The following RBMS2 variants were observed in gnomAD, a reference collection of about 807,000 sequenced individuals.
RBMS2 encodes RNA-binding motif, single-stranded-interacting protein 2.
Under a neutral mutation model 58.4 loss-of-function variants are expected in RBMS2, and 38 were observed. That is an observed-to-expected ratio of 0.65 (90% confidence interval 0.50 to 0.85). The LOEUF is 0.85. RBMS2 is among the 40% of genes least tolerant of loss of function. RBMS2 has a pLI of 0.00. For synonymous variants in RBMS2, 151 were observed against 180.7 expected (o/e 0.84, Z 1.32); for missense variants, 367 against 503.7 (o/e 0.73, Z 2.60).
intron 1 of RBMS2, among the ~76,000 whole-genome samples, chr12:56,541,976 A>C (rs1483620697): frequency 6.6e-6 from 1 of 152,166 alleles, no homozygotes; most frequent in Non-Finnish European, 1.5e-5. Context: ...AATAAACATA[A>C]AAAATTTTAA....
chr12:56,548,304 G>A (rs973497600), intron 1 of RBMS2, among the ~76,000 whole-genome samples: 2 of 151,864 alleles, frequency 1.3e-5, no homozygotes, highest in South Asian at 2.1e-4. Context: ...AAAATTAGCC[G>A]GGCATGGTGG....
chr12:56,537,644 T>C (rs2657900), intron 1 of RBMS2, among the ~76,000 whole-genome samples: 93,169 of 151,730 alleles, frequency 0.61, 29,050 homozygotes, highest in East Asian at 0.81. Flanking sequence ...TGAATAATGT[T>C]GCTATGAACT....
At chr12:56,581,912 T>C in intron 8 of RBMS2, 33 bp downstream of exon 8, 1 of 1,607,878 alleles carries the variant, frequency 6.2e-7, no homozygotes, top group Non-Finnish European at 8.5e-7. Flanking sequence ...CACCTGAAAA[T>C]GATAATGGCC....
At chr12:56,578,448 A>T (rs1389329575) in intron 5 of RBMS2, among the ~76,000 whole-genome samples, 1 of 152,024 alleles carries the variant, frequency 6.6e-6, no homozygotes, top group Non-Finnish European at 1.5e-5. Context: ...TATAGAAGTA[A>T]ATTTTATTGC....
At chr12:56,578,812 G>A (rs1250727089) in intron 5 of RBMS2, among the ~76,000 whole-genome samples, 2 of 151,830 alleles carry the variant, frequency 1.3e-5, no homozygotes, top group Non-Finnish European at 1.5e-5. Context: ...TGAAAATACA[G>A]CAATTAGCCA....
rs1274806327 is a variant in RBMS2, at chr12:56,584,787, AAAATAAAT to A, written c.874-2051_874-2044del. On this transcript the variant is annotated intron_variant, in intron 9 of 13. Transcript: ENST00000262031. ...GCGACAGAGTGAGACTCTGTCTCAA[AAAATAAAT>A]AAATAAATAACTTTTGAACTTCTTG... 2.6e-5 allele frequency among the ~76,000 whole-genome samples: 4 copies of A among 152,048 alleles called. No individual in the cohort carries two copies. In the East Asian group the frequency reaches 7.7e-4, roughly 29 times the overall value.
intron 1 of RBMS2, chr12:56,539,691 GTT>G (rs1369751595): frequency 4.4e-6 from 2 of 452,254 alleles, no homozygotes; most frequent in Non-Finnish European, 8.9e-6. Context: ...TTGAGATGGA[GTT>G]TCGTTCGCTC....
Position 56,581,179 on chromosome 12 carries a change from CTT to C in RBMS2, c.543-4_543-3del. The C allele has an allele frequency of 6.3e-7, 1 of 1,588,616 alleles. No homozygotes were observed. The highest frequency in any genetic ancestry group is 1.1e-5 in the South Asian group (1 of 90,550). ...CTAGAGCCTAACCCCTCTTATGCTC[CTT>C]AGGATGGAGTCCACAGAGAAGTGTG... On this transcript the variant is annotated splice_polypyrimidine_tract_variant and splice_region_variant and intron_variant, in intron 5 of 13. Coordinates refer to ENST00000262031, the MANE Select transcript of RBMS2 (RefSeq NM_002898.4).
At chr12:56,529,607 AG>A (rs1873327537) in intron 1 of RBMS2, among the ~76,000 whole-genome samples, 1 of 151,700 alleles carries the variant, frequency 6.6e-6, no homozygotes, top group African/African-American at 2.4e-5. Flanking sequence ...ACAAATCTCT[AG>A]GGGAAAAAAA....
chr12:56,533,388 C>T (rs1044138028), intron 1 of RBMS2, among the ~76,000 whole-genome samples: 2 of 149,636 alleles, frequency 1.3e-5, no homozygotes, highest in African/African-American at 2.5e-5. Context: ...AGGTGTGAGC[C>T]GCGGCACCCA....
chr12:56,571,629 G>T lies in RBMS2; in HGVS notation c.385-69G>T, dbSNP rs531369028. On this transcript the variant is annotated intron_variant, in intron 4 of 13. Transcript: ENST00000262031. ...TAGTCTCTTTTCTGAAATGTCATTT[G>T]TGGGGAGGGCTGAGGGTGGGAGAGG... The T allele has an allele frequency of 4.7e-4, 658 of 1,392,754 alleles. 6 individuals carry two copies. The African/African-American group carries it at 9.0e-3, about 19-fold the overall frequency. The allele number at this position is 1,392,754 out of a possible 1,614,324, so 86.3% of individuals were successfully genotyped here.
intron 9 of RBMS2, among the ~76,000 whole-genome samples, chr12:56,586,627 A>G (rs1884712913): frequency 6.6e-6 from 1 of 151,728 alleles, no homozygotes; most frequent in Admixed American, 6.6e-5. Flanking sequence ...GTGCAGTGTC[A>G]GAATCATAGC....
chr12:56,586,538 G>A (rs545297362), intron 9 of RBMS2, among the ~76,000 whole-genome samples: 25 of 147,044 alleles, frequency 1.7e-4, no homozygotes, highest in South Asian at 6.2e-4. Context: ...TATCTTCTTA[G>A]AGAGATATCT....
In RBMS2 at chr12:56,595,448, A is replaced by ATACTC. The variant is rs1370764546; in HGVS notation, c.*6317_*6321dup. ...TTATCTGGAGACTTCTTCTAGTTTTATACTCTTCCCACATCTATGCCAATG... is the reference window on the plus strand; with the variant it reads ...TTATCTGGAGACTTCTTCTAGTTTTATACTCTACTCTTCCCACATCTATGCCAATG... On this transcript the variant is annotated 3_prime_UTR_variant, in exon 14 of 14. Coordinates refer to ENST00000262031, the MANE Select transcript of RBMS2 (RefSeq NM_002898.4). The ATACTC allele has an allele frequency of 6.6e-6, 1 of 152,048 alleles. No homozygotes were observed. The highest frequency in any genetic ancestry group is 1.5e-5 in the Non-Finnish European group (1 of 68,018). The allele number at this position is 152,048 out of a possible 1,614,324, so 9.4% of individuals were successfully genotyped here.
chr12:56,583,059 C>G (rs1884196273), intron 9 of RBMS2, among the ~76,000 whole-genome samples: 1 of 152,174 alleles, frequency 6.6e-6, no homozygotes, highest in African/African-American at 2.4e-5. Context: ...TTTCATGCTG[C>G]AGATATGCCA....
intron 1 of RBMS2, among the ~76,000 whole-genome samples, chr12:56,529,151 T>A (rs554504722): frequency 1.3e-5 from 2 of 152,326 alleles, no homozygotes; most frequent in South Asian, 4.1e-4. Flanking sequence ...GGAGCATTAT[T>A]CATAATAGTC....
At chr12:56,533,058 C>T (rs1874064942) in intron 1 of RBMS2, among the ~76,000 whole-genome samples, 1 of 152,046 alleles carries the variant, frequency 6.6e-6, no homozygotes, top group Non-Finnish European at 1.5e-5. Flanking sequence ...CCTCAGCCTC[C>T]TGAGTAGCTA....
intron 1 of RBMS2, among the ~76,000 whole-genome samples, chr12:56,555,627 G>A (rs1879101446): frequency 6.6e-6 from 1 of 151,842 alleles, no homozygotes; most frequent in African/African-American, 2.4e-5. Flanking sequence ...GTCTCACTCT[G>A]TCACCCAGGC....
At chr12:56,564,092 C>T (rs527680876) in intron 2 of RBMS2, among the ~76,000 whole-genome samples, 65 of 150,882 alleles carry the variant, frequency 4.3e-4, no homozygotes, top group African/African-American at 1.1e-3. Flanking sequence ...AGATTATAGG[C>T]GCACGCCACC....
Sources: allele counts gnomAD v4.1 joint callset (sites outside exome capture counted in the v4.1 genomes callset), GRCh38; gene constraint gnomAD v4.1.1; transcripts MANE v1.5; gene names NCBI Gene and HGNC (gene_info 2026-07-23, HGNC 2026-07-21).